The following ATP13A5 variants were observed in gnomAD, a reference collection of about 807,000 sequenced individuals.
The protein encoded by ATP13A5 is ATPase 13A5, also known as probable cation-transporting ATPase 13A5.
Under a neutral mutation model 150.2 loss-of-function variants are expected in ATP13A5, and 149 were observed. The ratio of observed to expected loss-of-function variants is 0.99; its 90% CI spans 0.87 to 1.14. The LOEUF (loss-of-function observed/expected upper bound fraction) is 1.14, where lower values mean the gene tolerates loss of function less well. Among genes scored for constraint, ATP13A5 ranks in the 50% most tolerant of loss-of-function variants. The pLI is 0.00. For synonymous variants in ATP13A5, 497 were observed against 522.2 expected, an observed-to-expected ratio of 0.95 and a Z score of 0.66; for missense variants, 1,383 against 1,449.3, an observed-to-expected ratio of 0.95 and a Z score of 0.74.
intron 9 of ATP13A5, among the ~76,000 whole-genome samples, chr3:193,336,596 A>G (rs149892557): frequency 4.6e-4 from 70 of 152,346 alleles, no homozygotes; most frequent in African/African-American, 1.6e-3. Context: ...ATAGTATTCC[A>G]TGGTGTATAT....
chr3:193,361,749 G>T (rs939764877), intron 5 of ATP13A5, among the ~76,000 whole-genome samples: 2 of 152,148 alleles, frequency 1.3e-5, no homozygotes, highest in African/African-American at 4.8e-5. Context: ...TCTCATGATT[G>T]TGCCACCATT....
At chr3:193,277,224 C>A (rs1371415480) in intron 28 of ATP13A5, among the ~76,000 whole-genome samples, 1 of 152,078 alleles carries the variant, frequency 6.6e-6, no homozygotes, top group Non-Finnish European at 1.5e-5. Context: ...GCAAATTCTA[C>A]CTGGAATTCA....
rs185838432 is a variant in ATP13A5, at chr3:193,324,714, G to C, written c.1674+150C>G. 1.8e-5 allele frequency: 14 copies of C among 782,304 alleles called. No individual in the cohort carries two copies. In the Admixed American group the frequency reaches 3.3e-4, roughly 18 times the overall value. The allele number at this position is 782,304 out of a possible 1,614,324, so 48.5% of individuals were successfully genotyped here. A position where few individuals can be genotyped will look rare whatever the true frequency, so the allele number is the denominator to read the frequency against. ...GCAACCATTAACAGAATTCTTTGGG[G>C]GCACAGGTTGGGAAGTTCTGGTAGT... On this transcript the variant is annotated intron_variant, in intron 14 of 29. Transcript: ENST00000342358.
chr3:193,276,517 A>T (rs1717210327), intron 29 of ATP13A5, among the ~76,000 whole-genome samples: 2 of 152,348 alleles, frequency 1.3e-5, no homozygotes, highest in African/African-American at 4.8e-5. Context: ...TAGAGTTCAT[A>T]CATGTTTTGC....
At chr3:193,294,675 T>C (rs1465309691) in intron 25 of ATP13A5, among the ~76,000 whole-genome samples, 3 of 152,050 alleles carry the variant, frequency 2.0e-5, no homozygotes, top group Non-Finnish European at 4.4e-5. Context: ...AACCTGGAAA[T>C]GTAAGAAGCC....
At chr3:193,281,967 G>A (rs901289952) in intron 27 of ATP13A5, among the ~76,000 whole-genome samples, 19 of 151,970 alleles carry the variant, frequency 1.3e-4, no homozygotes, top group African/African-American at 2.2e-4. Flanking sequence ...AGGCCGAAGC[G>A]GGTGGATCAC....
chr3:193,312,173 T>G (rs1427865357), intron 19 of ATP13A5, among the ~76,000 whole-genome samples: 3 of 152,230 alleles, frequency 2.0e-5, no homozygotes, highest in South Asian at 4.1e-4. Flanking sequence ...GGATCCCGTC[T>G]TGGGAGATAA....
chr3:193,295,794 A>G (rs1487400473), intron 25 of ATP13A5, among the ~76,000 whole-genome samples: 1 of 152,162 alleles, frequency 6.6e-6, no homozygotes, highest in Non-Finnish European at 1.5e-5. Flanking sequence ...TTCCTGCCTC[A>G]TTCGCTGCAT....
intron 27 of ATP13A5, among the ~76,000 whole-genome samples, chr3:193,282,065 G>A (rs141061230): frequency 0.011 from 1,609 of 151,922 alleles, 53 homozygotes; most frequent in East Asian, 0.072. Flanking sequence ...GCGTGGTGGC[G>A]GGCACCTGTA....
At chr3:193,315,310 G>GT (rs1052624213) in intron 17 of ATP13A5, among the ~76,000 whole-genome samples, 4 of 151,970 alleles carry the variant, frequency 2.6e-5, no homozygotes, top group African/African-American at 9.7e-5. Flanking sequence ...TTCTAAATCT[G>GT]TTTTTTCCAG....
At chr3:193,313,714 A>G (rs1718939336) in intron 19 of ATP13A5, 1 of 219,588 alleles carries the variant, frequency 4.6e-6, no homozygotes, top group South Asian at 1.4e-4. Flanking sequence ...TTAATGACCA[A>G]GTGGAAAATA....
intron 12 of ATP13A5, among the ~76,000 whole-genome samples, chr3:193,329,656 C>T (rs1459536712): frequency 2.6e-5 from 4 of 152,014 alleles, no homozygotes; most frequent in Non-Finnish European, 4.4e-5. Context: ...TGGTGGTGAT[C>T]GAGAACTTTC....
intron 14 of ATP13A5, among the ~76,000 whole-genome samples, chr3:193,324,641 A>G (rs1719405204): frequency 6.6e-6 from 1 of 152,242 alleles, no homozygotes; most frequent in Admixed American, 6.5e-5. Flanking sequence ...AACTTTGTTT[A>G]AACAACAGTT....
intron 22 of ATP13A5, among the ~76,000 whole-genome samples, chr3:193,305,898 C>G (rs777517172): frequency 6.6e-6 from 1 of 152,000 alleles, no homozygotes; most frequent in East Asian, 1.9e-4. Context: ...TACATGCATG[C>G]GTGTGTGCAT....
chr3:193,362,522 T>C, intron 4 of ATP13A5, 45 bp downstream of exon 4: 2 of 1,613,374 alleles, frequency 1.2e-6, no homozygotes, highest in Non-Finnish European at 1.7e-6. Flanking sequence ...AATCAGTGTT[T>C]TTCCCCTATA....
intron 25 of ATP13A5, among the ~76,000 whole-genome samples, chr3:193,293,481 C>T (rs1718046664): frequency 6.6e-6 from 1 of 152,116 alleles, no homozygotes; most frequent in African/African-American, 2.4e-5. Flanking sequence ...ACTCAGCAGA[C>T]TGTGAGCTCC....
chr3:193,333,945 G>C (rs769015173), intron 10 of ATP13A5, 38 bp from the exon 11 acceptor site: 1 of 1,585,614 alleles, frequency 6.3e-7, no homozygotes, highest in Non-Finnish European at 8.6e-7. Flanking sequence ...AAGGCTGCTT[G>C]ATGGACACTT....
intron 1 of ATP13A5, among the ~76,000 whole-genome samples, chr3:193,364,889 T>C (rs1032390306): frequency 5.3e-5 from 8 of 152,322 alleles, no homozygotes; most frequent in African/African-American, 1.9e-4. Flanking sequence ...TTTACCCTGA[T>C]AGTAATATGC....
At chr3:193,367,813 A>T (rs1435734438) in intron 1 of ATP13A5, among the ~76,000 whole-genome samples, 3 of 152,156 alleles carry the variant, frequency 2.0e-5, no homozygotes, top group African/African-American at 7.2e-5. Context: ...TTAAAAATAG[A>T]TGAGAACATC....
Sources: gnomAD v4.1 joint callset for allele counts (sites outside exome capture counted in the v4.1 genomes callset) on GRCh38, gnomAD v4.1.1 for gene constraint, MANE v1.5 for transcripts, NCBI Gene and HGNC (gene_info 2026-07-23, HGNC 2026-07-21) for gene names.